F2: variants seen among roughly 807,000 people sequenced by gnomAD.
F2 encodes coagulation factor II, thrombin.
F2 carries 34 observed loss-of-function variants against 81.9 expected under a neutral mutation model. The observed-to-expected ratio is 0.42, with a 90% CI of 0.32 to 0.55. The LOEUF (loss-of-function observed/expected upper bound fraction) is 0.55, where lower values mean the gene tolerates loss of function less well. Among genes scored for constraint, F2 ranks in the 20% least tolerant of loss-of-function variants. F2 has a pLI of 0.18. For missense variants in F2, 630 were observed against 833.4 expected, an observed-to-expected ratio of 0.76 and a Z score of 3.00; for synonymous variants, 296 against 326.4, an observed-to-expected ratio of 0.91 and a Z score of 1.01.
intron 2 of F2, chr11:46,720,223 G>A: frequency 1.8e-6 from 1 of 556,210 alleles, no homozygotes; most frequent in Non-Finnish European, 3.2e-6. Context: ...AAGACTCAGT[G>A]TTCCTGGAGC....
At chr11:46,738,215 G>T (rs538115981) in intron 12 of F2, among the ~76,000 whole-genome samples, 2 of 152,016 alleles carry the variant, frequency 1.3e-5, no homozygotes. Context: ...TGGCCAGGCT[G>T]GTCTTAAACT....
In F2 at chr11:46,725,847, C is replaced by T; in HGVS notation, c.560-12C>T. ...CACTCACTCTGCTGCCTCCTTGCCC[C>T]TCACCCACCAGGCCAGGATCAAGTC... On this transcript the variant is annotated splice_polypyrimidine_tract_variant and intron_variant, in intron 6 of 13. Transcript: ENST00000311907. 6.2e-7 allele frequency: 1 copy of T among 1,611,912 alleles called. No individual in the cohort carries two copies. Among genetic ancestry groups the T allele is most frequent in the Non-Finnish European group, 8.5e-7 (1 of 1,179,616 alleles).
intron 3 of F2, 115 bp downstream of exon 3, chr11:46,720,662 A>G: frequency 2.7e-6 from 4 of 1,492,186 alleles, no homozygotes; most frequent in Middle Eastern, 1.7e-4. Flanking sequence ...CCCCTTCCCC[A>G]CTCCTTCCTT....
chr11:46,720,680 CCCATCTGTTCAT>C, intron 3 of F2, 98 bp from the exon 4 acceptor site: 1 of 1,500,860 alleles, frequency 6.7e-7, no homozygotes, highest in Non-Finnish European at 9.3e-7. Flanking sequence ...CTTGGTCCCT[CCCATCTGTTCAT>C]CCATCTTTCT....
Position 46,723,961 on chromosome 11 carries a change from G to T in F2, c.559+443G>T, listed in dbSNP as rs1030443567. Among the ~76,000 whole-genome samples the T allele has an allele frequency of 2.6e-5, 4 of 152,112 alleles. No homozygotes were observed. Among genetic ancestry groups the T allele is most frequent in the Non-Finnish European group, 5.9e-5 (4 of 68,018 alleles). Reference sequence around the variant, plus strand: ...CATTCAGATCATATCTGTGCCTATTGCTCAGTAAAGTCAGGGAATCAGGGG... The same window carrying T: ...CATTCAGATCATATCTGTGCCTATTTCTCAGTAAAGTCAGGGAATCAGGGG... On this transcript the variant is annotated intron_variant, in intron 6 of 13. Coordinates refer to ENST00000311907, the MANE Select transcript of F2 (RefSeq NM_000506.5). The surrounding 1 kb of genome is among the most constrained non-coding windows in gnomAD (Gnocchi z 5.6).
rs551948151 is a variant in F2, at chr11:46,727,833, C to T, written c.1131-163C>T. Among the ~76,000 whole-genome samples, 8 of 152,262 alleles carry T rather than the reference C, an allele frequency of 5.3e-5. No homozygotes were observed. The East Asian group carries it at 1.4e-3, about 26-fold the overall frequency. On this transcript the variant is annotated intron_variant, in intron 9 of 13. Coordinates refer to ENST00000311907, the MANE Select transcript of F2 (RefSeq NM_000506.5). ...TGTGAGGCAGCCCCTCAGCATCACA[C>T]GGAGGCTCCAGGCCCCAAAGGCGGC...
chr11:46,719,624 C>G lies in F2; in HGVS notation c.80-78C>G. On this transcript the variant is annotated intron_variant, in intron 1 of 13. Transcript: ENST00000311907. The surrounding 1 kb of genome is among the most constrained non-coding windows in gnomAD (Gnocchi z 4.7). The stretch of plus-strand genomic sequence containing the variant: ...TCAGAAGCCAGCAGGGGAGGGTGGG[C>G]TTGCTTCATGCCCCCAGAATGGCCA... The G allele has an allele frequency of 2.0e-6, 3 of 1,529,832 alleles. No individual in the cohort carries two copies. Among genetic ancestry groups the G allele is most frequent in the Non-Finnish European group, 2.7e-6 (3 of 1,131,900 alleles). The allele number at this position is 1,529,832 out of a possible 1,614,324, so 94.8% of individuals were successfully genotyped here.
At chr11:46,724,887 C>T (rs1042096707) in intron 6 of F2, among the ~76,000 whole-genome samples, 100 of 149,978 alleles carry the variant, frequency 6.7e-4, no homozygotes, top group African/African-American at 2.3e-3. Context: ...TCCCCTGCTT[C>T]AGCCTCCTGA....
rs777508179 is a variant in F2, at chr11:46,729,405, C to T, written c.1498C>T (p.Arg500Trp). ...ASLLQAGYKG[R>W]VTGWGNLKET... ...CTTGCTCCAGGCTGGATACAAGGGG[C>T]GGGTGACAGGCTGGGGCAACCTGAA... The change falls in exon 12 of 14, where the codon CGG becomes TGG. Residue 500 changes from arginine (R) to tryptophan (W), a missense_variant. Coordinates refer to ENST00000311907, the MANE Select transcript of F2 (RefSeq NM_000506.5). The T allele has an allele frequency of 5.6e-6, 9 of 1,613,986 alleles. No individual in the cohort carries two copies. The highest frequency in any genetic ancestry group is 7.6e-6 in the Non-Finnish European group (9 of 1,179,974).
chr11:46,736,439 G>T (rs1230045128), intron 12 of F2, among the ~76,000 whole-genome samples: 4 of 151,872 alleles, frequency 2.6e-5, no homozygotes, highest in Non-Finnish European at 5.9e-5. Flanking sequence ...TTATTTTTTA[G>T]TTTTATTTTT....
At chr11:46,731,709 G>T (rs2064912902) in intron 12 of F2, among the ~76,000 whole-genome samples, 1 of 152,042 alleles carries the variant, frequency 6.6e-6, no homozygotes, top group South Asian at 2.1e-4. Context: ...TTTGTCTAAG[G>T]TTTCCTCACG....
chr11:46,734,468 T>C (rs561820374), intron 12 of F2, among the ~76,000 whole-genome samples: 1 of 152,328 alleles, frequency 6.6e-6, no homozygotes, highest in African/African-American at 2.4e-5. Context: ...TACTAGGTAG[T>C]CAAATTTATC....
At position 46,719,623 on chromosome 11, in the gene F2, GC is replaced by G; in HGVS notation, c.80-78del. On this transcript the variant is annotated intron_variant, in intron 1 of 13. Transcript: ENST00000311907. This position sits in a 1 kb window ranked among gnomAD's most constrained non-coding sequence, Gnocchi z 4.7. ...CTCAGAAGCCAGCAGGGGAGGGTGG[GC>G]TTGCTTCATGCCCCCAGAATGGCCA... is the stretch of plus-strand genomic sequence containing the variant. The G allele has an allele frequency of 6.5e-7, 1 of 1,526,836 alleles. No individual in the cohort carries two copies. Among genetic ancestry groups the G allele is most frequent in the Non-Finnish European group, 8.9e-7 (1 of 1,129,354 alleles). 94.6% of individuals were successfully genotyped at this position (1,526,836 alleles called of 1,614,324 possible).
chr11:46,719,516 GGGGCAA>G lies in F2; in HGVS notation c.80-182_80-177del. 1.1e-6 allele frequency: 1 copy of G among 926,126 alleles called. No individual in the cohort carries two copies. The highest frequency in any genetic ancestry group is 1.7e-6 in the Non-Finnish European group (1 of 600,734). The allele number at this position is 926,126 out of a possible 1,614,324, so 57.4% of individuals were successfully genotyped here. A position where few individuals can be genotyped will look rare whatever the true frequency, so the allele number is the denominator to read the frequency against. On this transcript the variant is annotated intron_variant, in intron 1 of 13. Transcript: ENST00000311907. The surrounding 1 kb of genome is among the most constrained non-coding windows in gnomAD (Gnocchi z 4.7). ...CTCTTCCAATATAGGGAGCAGGCTG[GGGGCAA>G]GGGGCAGTGTAGGAGGGGCACAGGG...
intron 9 of F2, 113 bp from the exon 10 acceptor site, chr11:46,727,883 C>A: frequency 7.8e-7 from 1 of 1,288,408 alleles, no homozygotes; most frequent in Non-Finnish European, 1.1e-6. Flanking sequence ...ATCTGGGCCC[C>A]GGAGGCAGCT....
At position 46,723,710 on chromosome 11, in the gene F2, G is replaced by T. The variant is rs922252894; in HGVS notation, c.559+192G>T. ...GTTTGAGACCAGCTGGGCCAACATGGCAAAACCCCGTCTCTACTAAAAATA... is the reference window on the plus strand; with the variant it reads ...GTTTGAGACCAGCTGGGCCAACATGTCAAAACCCCGTCTCTACTAAAAATA... On this transcript the variant is annotated intron_variant, in intron 6 of 13. Coordinates refer to ENST00000311907, the MANE Select transcript of F2 (RefSeq NM_000506.5). The surrounding 1 kb of genome is among the most constrained non-coding windows in gnomAD (Gnocchi z 5.6). Among the ~76,000 whole-genome samples the T allele has an allele frequency of 1.3e-5, 2 of 152,164 alleles. No homozygotes were observed. Among genetic ancestry groups the T allele is most frequent in the Admixed American group, 6.6e-5 (1 of 15,266 alleles).
intron 12 of F2, 40 bp from the exon 13 acceptor site, chr11:46,739,008 G>T (rs1346970818): frequency 2.5e-6 from 4 of 1,610,370 alleles, no homozygotes; most frequent in Admixed American, 3.3e-5. Flanking sequence ...GCTGGGCTAT[G>T]AGCTATGCTC....
intron 6 of F2, among the ~76,000 whole-genome samples, chr11:46,725,140 G>T (rs1359008927): frequency 7.0e-6 from 1 of 142,144 alleles, no homozygotes; most frequent in Non-Finnish European, 1.5e-5. Context: ...CATAATCTTG[G>T]CTCACTGCAA....
intron 6 of F2, 45 bp from the exon 7 acceptor site, chr11:46,725,814 T>C (rs772477768): frequency 6.2e-7 from 1 of 1,601,208 alleles, no homozygotes; most frequent in South Asian, 1.1e-5. Flanking sequence ...CCGGTCCATG[T>C]GTGGTCTCAC....
Sources: allele counts gnomAD v4.1 joint callset (sites outside exome capture counted in the v4.1 genomes callset), GRCh38; gene constraint gnomAD v4.1.1; non-coding constraint Gnocchi (gnomAD v3.1); transcripts MANE v1.5; gene names NCBI Gene and HGNC (gene_info 2026-07-23, HGNC 2026-07-21).